CDKN2B-AS1: variants seen among roughly 807,000 people sequenced by gnomAD.
CDKN2B-AS1 encodes CDKN2B antisense RNA 1 (non-protein coding).
intron 1 of CDKN2B-AS1, chr9:22,008,979 C>A (rs781471383): frequency 5.6e-6 from 9 of 1,613,160 alleles, no homozygotes; most frequent in Non-Finnish European, 7.6e-6. Context: ...CGCGCAGCGG[C>A]CCGGATAATC....
intron 4 of CDKN2B-AS1, chr9:22,119,933 A>G (rs1826056082): frequency 6.6e-6 from 1 of 152,222 alleles, no homozygotes; most frequent in South Asian, 2.1e-4. Flanking sequence ...GAGGTGGCAT[A>G]GAACTTTAGC....
chr9:22,103,605 C>G (rs1378101013), intron 4 of CDKN2B-AS1, among the ~76,000 whole-genome samples: 1 of 152,014 alleles, frequency 6.6e-6, no homozygotes, highest in African/African-American at 2.4e-5. Context: ...AACAACTCCT[C>G]CTGAGAAAGA....
intron 1 of CDKN2B-AS1, chr9:22,030,975 CA>C (rs1822444673): frequency 6.6e-6 from 1 of 152,046 alleles, no homozygotes; most frequent in Admixed American, 6.6e-5. Flanking sequence ...CTTATGGTAA[CA>C]ATGAATATGT....
At chr9:22,099,073 G>T (rs948687138) in intron 4 of CDKN2B-AS1, among the ~76,000 whole-genome samples, 3 of 152,224 alleles carry the variant, frequency 2.0e-5, no homozygotes, top group Admixed American at 1.3e-4. Flanking sequence ...AACTGGGAAA[G>T]TTCATGGCAG....
At position 21,999,265 on chromosome 9, in the gene CDKN2B-AS1, A is replaced by T. The variant is rs575584794; in HGVS notation, n.29+4104A>T. Among the ~76,000 whole-genome samples the T allele has an allele frequency of 6.6e-6, 1 of 151,524 alleles. No individual in the cohort carries two copies. The highest frequency in any genetic ancestry group is 2.4e-5 in the African/African-American group (1 of 41,488). On this transcript the variant is annotated intron_variant and non_coding_transcript_variant, in intron 1 of 4. Coordinates refer to ENST00000650946, the Ensembl canonical transcript of CDKN2B-AS1. The surrounding 1 kb of genome is among the most constrained non-coding windows in gnomAD (Gnocchi z 4.7). Reference sequence around the variant, plus strand: ...TCCACTATTTTAAGTATGTAAAGACACACACAAATAATGTATGGAAATATA... The same window carrying T: ...TCCACTATTTTAAGTATGTAAAGACTCACACAAATAATGTATGGAAATATA...
intron 4 of CDKN2B-AS1, among the ~76,000 whole-genome samples, chr9:22,065,404 G>A (rs1217258959): frequency 6.6e-6 from 1 of 152,158 alleles, no homozygotes; most frequent in African/African-American, 2.4e-5. Flanking sequence ...TAGACTTTGA[G>A]AATTGCAGTT....
At chr9:22,064,010 A>T (rs1223124618) in intron 4 of CDKN2B-AS1, 1 of 152,236 alleles carries the variant, frequency 6.6e-6, no homozygotes, top group Non-Finnish European at 1.5e-5. Flanking sequence ...CTTGGAGAAG[A>T]CACTGGAGGT....
At position 21,997,995 on chromosome 9, in the gene CDKN2B-AS1, G is replaced by C. The variant is rs1820761245; in HGVS notation, n.29+2834G>C. Among the ~76,000 whole-genome samples, 1 of 152,250 alleles carries C rather than the reference G, an allele frequency of 6.6e-6. No individual in the cohort carries two copies. The highest frequency in any genetic ancestry group is 1.9e-4 in the East Asian group (1 of 5,180). ...CCACAGGAACTAGACCTAGGGATAA[G>C]GGTAATTGCTTATTTCAGAGGAATG... On this transcript the variant is annotated intron_variant and non_coding_transcript_variant, in intron 1 of 4. Coordinates refer to ENST00000650946, the Ensembl canonical transcript of CDKN2B-AS1. This position sits in a 1 kb window ranked among gnomAD's most constrained non-coding sequence, Gnocchi z 4.8.
At chr9:22,010,996 C>G (rs1163888620) in intron 1 of CDKN2B-AS1, among the ~76,000 whole-genome samples, 3 of 152,146 alleles carry the variant, frequency 2.0e-5, no homozygotes, top group African/African-American at 7.2e-5. Context: ...AGTAAAATGA[C>G]TGAGAATCTT....
chr9:22,011,737 CT>C (rs1413993291), intron 1 of CDKN2B-AS1, among the ~76,000 whole-genome samples: 1 of 152,184 alleles, frequency 6.6e-6, no homozygotes, highest in Non-Finnish European at 1.5e-5. Flanking sequence ...GCACATTTGT[CT>C]TGGACAATAG....
At chr9:22,024,373 C>T (rs1441522658) in intron 1 of CDKN2B-AS1, among the ~76,000 whole-genome samples, 2 of 152,198 alleles carry the variant, frequency 1.3e-5, no homozygotes, top group African/African-American at 4.8e-5. Context: ...GTGCCTGCCT[C>T]CCTGCAGGCA....
intron 1 of CDKN2B-AS1, among the ~76,000 whole-genome samples, chr9:22,027,155 C>T (rs1822271442): frequency 6.8e-6 from 1 of 148,044 alleles, no homozygotes; most frequent in African/African-American, 2.5e-5. Flanking sequence ...ATCTTGGCCA[C>T]TCCTGCCCTA....
intron 4 of CDKN2B-AS1, among the ~76,000 whole-genome samples, chr9:22,086,738 ATTAT>A (rs1194569303): frequency 6.6e-6 from 1 of 152,108 alleles, no homozygotes; most frequent in African/African-American, 2.4e-5. Flanking sequence ...AACCCCAGAG[ATTAT>A]TTATTTATCT....
chr9:22,016,064 T>G, intron 1 of CDKN2B-AS1, among the ~76,000 whole-genome samples: 1 of 152,206 alleles, frequency 6.6e-6, no homozygotes, highest in Non-Finnish European at 1.5e-5. Flanking sequence ...ACTCTGATGA[T>G]AGTTTCTTTT....
At chr9:22,072,268 A>G (rs1563963296) in intron 4 of CDKN2B-AS1, among the ~76,000 whole-genome samples, 1 of 152,120 alleles carries the variant, frequency 6.6e-6, no homozygotes, top group African/African-American at 2.4e-5. Context: ...CTTTTAGATA[A>G]TTTTTTTATA....
At chr9:22,074,161 C>A (rs997151910) in intron 4 of CDKN2B-AS1, among the ~76,000 whole-genome samples, 2 of 152,156 alleles carry the variant, frequency 1.3e-5, no homozygotes, top group African/African-American at 4.8e-5. Flanking sequence ...CTGTGCTTGG[C>A]ACCTAGAGGA....
At chr9:22,096,729 A>G (rs987086631) in intron 4 of CDKN2B-AS1, among the ~76,000 whole-genome samples, 3 of 152,108 alleles carry the variant, frequency 2.0e-5, no homozygotes, top group African/African-American at 4.8e-5. Context: ...ACACGGAACT[A>G]TGTGGAGTTA....
At chr9:22,080,012 G>T (rs1587503611) in intron 4 of CDKN2B-AS1, among the ~76,000 whole-genome samples, 2 of 152,244 alleles carry the variant, frequency 1.3e-5, no homozygotes. Context: ...AAGGAGGCCA[G>T]ACAGGAGGTG....
At chr9:22,054,581 A>G (rs1417700052) in intron 3 of CDKN2B-AS1, among the ~76,000 whole-genome samples, 1 of 152,004 alleles carries the variant, frequency 6.6e-6, no homozygotes, top group South Asian at 2.1e-4. Flanking sequence ...AAAGCCGACA[A>G]ATTTGTTTAG....
Sources: allele counts gnomAD v4.1 joint callset (sites outside exome capture counted in the v4.1 genomes callset), GRCh38; gene constraint gnomAD v4.1.1; non-coding constraint Gnocchi (gnomAD v3.1); transcripts MANE v1.5; gene names NCBI Gene and HGNC (gene_info 2026-07-23, HGNC 2026-07-21).